Variants in PCDH15 observed in about 807,000 individuals in gnomAD.
PCDH15 encodes protocadherin related 15.
PCDH15 carries 129 observed loss-of-function variants against 178.5 expected under a neutral mutation model. The observed-to-expected ratio is 0.72, with a 90% CI of 0.63 to 0.84. PCDH15 has a LOEUF of 0.84. Among genes scored for constraint, PCDH15 ranks in the 40% least tolerant of loss-of-function variants. PCDH15 has a pLI of 0.00. For synonymous variants in PCDH15, 800 were observed against 732.0 expected, an observed-to-expected ratio of 1.09 and a Z score of -1.50; for missense variants, 2,230 against 2,099.9, an observed-to-expected ratio of 1.06 and a Z score of -1.21.
intron 3 of PCDH15, among the ~76,000 whole-genome samples, chr10:54,394,982 A>C (rs1318512844): frequency 6.6e-6 from 1 of 152,126 alleles, no homozygotes; most frequent in African/African-American, 2.4e-5. Flanking sequence ...TTCCCCGAAC[A>C]ATTGCTGTTA....
At chr10:55,100,082 G>A (rs1436172224) in intron 2 of PCDH15, among the ~76,000 whole-genome samples, 1 of 152,028 alleles carries the variant, frequency 6.6e-6, no homozygotes, top group Non-Finnish European at 1.5e-5. Context: ...TACTTACCAA[G>A]AGCATTTATA....
chr10:53,806,502 TTTCTCA>T lies in PCDH15; in HGVS notation c.*71_*76del. 1.6e-6 allele frequency: 2 copies of T among 1,227,074 alleles called. No individual in the cohort carries two copies. The highest frequency in any genetic ancestry group is 2.2e-6 in the Non-Finnish European group (2 of 890,758). 76.0% of individuals were successfully genotyped at this position (1,227,074 alleles called of 1,614,324 possible). ...GCATGATATAAATTCCATACATTGT[TTTCTCA>T]GTGACAATAAAAAGCACAGTTTATT... On this transcript the variant is annotated 3_prime_UTR_variant, in exon 38 of 38. Transcript: ENST00000644397.
At chr10:54,919,162 G>A (rs146913002) in intron 2 of PCDH15, among the ~76,000 whole-genome samples, 53 of 152,206 alleles carry the variant, frequency 3.5e-4, no homozygotes, top group East Asian at 2.9e-3. Context: ...ACACATTCAT[G>A]TTCCTTGAAT....
chr10:54,496,302 T>G (rs2080105217), intron 3 of PCDH15, among the ~76,000 whole-genome samples: 1 of 152,086 alleles, frequency 6.6e-6, no homozygotes, highest in South Asian at 2.1e-4. Context: ...AGGAAGTCCT[T>G]TGGAGAGAGT....
chr10:53,960,904 T>C lies in PCDH15; in HGVS notation c.3009+848A>G, dbSNP rs529436124. 2.0e-5 allele frequency among the ~76,000 whole-genome samples: 3 copies of C among 152,276 alleles called. No individual in the cohort carries two copies. In the East Asian group the frequency reaches 5.8e-4, roughly 29 times the overall value. ...TCTAAGTAACTATTAAAAATGGAAATGTTCAAACACTTAATAAAATTGTCT... is the reference window on the plus strand; with the variant it reads ...TCTAAGTAACTATTAAAAATGGAAACGTTCAAACACTTAATAAAATTGTCT... On this transcript the variant is annotated intron_variant, in intron 22 of 37. Coordinates refer to ENST00000644397, the MANE Select transcript of PCDH15 (RefSeq NM_001384140.1).
At chr10:54,622,384 A>G (rs1427342543) in intron 2 of PCDH15, among the ~76,000 whole-genome samples, 1 of 150,250 alleles carries the variant, frequency 6.7e-6, no homozygotes, top group Non-Finnish European at 1.5e-5. Flanking sequence ...TGACTTTGAT[A>G]AATACAATAA....
At chr10:55,476,515 A>G (rs1239671181) in intron 2 of PCDH15, among the ~76,000 whole-genome samples, 1 of 152,016 alleles carries the variant, frequency 6.6e-6, no homozygotes, top group Admixed American at 6.6e-5. Context: ...TGGAATGGAA[A>G]AAAATGTCCC....
chr10:55,263,668 G>A (rs936467167), intron 1 of PCDH15, among the ~76,000 whole-genome samples: 6 of 151,928 alleles, frequency 3.9e-5, no homozygotes, highest in African/African-American at 1.5e-4. Context: ...TTGCACTGAG[G>A]AAGAGGCTCT....
At chr10:55,473,712 T>C (rs1407266218) in intron 2 of PCDH15, among the ~76,000 whole-genome samples, 2 of 152,126 alleles carry the variant, frequency 1.3e-5, no homozygotes, top group Non-Finnish European at 2.9e-5. Flanking sequence ...TGATTAATAA[T>C]TCCATGTCCA....
At chr10:54,529,909 C>A (rs2083738324) in intron 2 of PCDH15, among the ~76,000 whole-genome samples, 1 of 152,002 alleles carries the variant, frequency 6.6e-6, no homozygotes, top group African/African-American at 2.4e-5. Context: ...TGTACACACA[C>A]ACACATATAC....
intron 1 of PCDH15, among the ~76,000 whole-genome samples, chr10:54,734,510 T>C (rs1339327977): frequency 1.3e-5 from 2 of 151,990 alleles, no homozygotes; most frequent in African/African-American, 2.4e-5. Flanking sequence ...TTTTAAAAAG[T>C]GATCATTTAA....
chr10:53,826,062 A>T (rs1335075279), intron 32 of PCDH15, among the ~76,000 whole-genome samples: 1 of 151,708 alleles, frequency 6.6e-6, no homozygotes, highest in African/African-American at 2.4e-5. Context: ...GTTTCTAAAG[A>T]TCTTTGCTTG....
chr10:53,870,180 C>T (rs1340593037), intron 26 of PCDH15, among the ~76,000 whole-genome samples: 1 of 152,072 alleles, frequency 6.6e-6, no homozygotes, highest in Non-Finnish European at 1.5e-5. Flanking sequence ...ATGATAACTA[C>T]AAAATAGTCA....
upstream of PCDH15, among the ~76,000 whole-genome samples, chr10:55,323,739 A>C (rs1843962136): frequency 6.6e-6 from 1 of 152,138 alleles, no homozygotes. Context: ...GGCAGAAGGG[A>C]CTTTTCTCAG....
intron 2 of PCDH15, among the ~76,000 whole-genome samples, chr10:55,329,002 CGT>C (rs34920648): frequency 0.28 from 36,959 of 130,926 alleles, 5,921 homozygotes; most frequent in Admixed American, 0.38. Flanking sequence ...ATTCCATTTT[CGT>C]GTGTGTGTGT....
Position 55,481,004 on chromosome 10 carries a change from C to A in PCDH15, c.-156+146621G>T, listed in dbSNP as rs184207733. 7.1e-3 allele frequency among the ~76,000 whole-genome samples: 1,076 copies of A among 151,842 alleles called. 9 individuals are homozygous for A. Among genetic ancestry groups the A allele is most frequent in the Non-Finnish European group, 0.011 (733 of 67,834 alleles). On this transcript the variant is annotated intron_variant, in intron 2 of 5. Coordinates refer to the PCDH15 transcript ENST00000613346. ...GTTGATAGGCTATTTATTACTCCCT[C>A]AATTTCAGAACTCATTATTGGTCTG... is the stretch of plus-strand genomic sequence containing the variant.
At chr10:54,167,022 G>T (rs542935286) in intron 13 of PCDH15, among the ~76,000 whole-genome samples, 115 of 152,002 alleles carry the variant, frequency 7.6e-4, no homozygotes, top group Middle Eastern at 3.4e-3. Context: ...ATCTCCCTTC[G>T]CTGACTCTCT....
intron 1 of PCDH15, among the ~76,000 whole-genome samples, chr10:54,720,682 A>G (rs1399187605): frequency 6.7e-6 from 1 of 148,766 alleles, no homozygotes; most frequent in Non-Finnish European, 1.5e-5. Context: ...CAATGCAACA[A>G]GGTTTAACTA....
chr10:54,145,291 A>T (rs2043796266), intron 14 of PCDH15, among the ~76,000 whole-genome samples: 1 of 152,078 alleles, frequency 6.6e-6, no homozygotes, highest in Non-Finnish European at 1.5e-5. Context: ...ATTTTCTATT[A>T]TATATGTCAA....
Sources: gnomAD v4.1 joint callset for allele counts (sites outside exome capture counted in the v4.1 genomes callset) on GRCh38, gnomAD v4.1.1 for gene constraint, MANE v1.5 for transcripts, NCBI Gene and HGNC (gene_info 2026-07-23, HGNC 2026-07-21) for gene names.